Variants in ITIH3 observed in about 807,000 individuals in gnomAD.
The protein encoded by ITIH3 is inter-alpha-trypsin inhibitor heavy chain 3.
In ITIH3, 81 loss-of-function variants were observed where a neutral mutation model predicts 96.5. The ratio of observed to expected loss-of-function variants is 0.84; its 90% CI spans 0.70 to 1.01. The LOEUF is 1.01. Ranked by LOEUF, ITIH3 falls within the 50% of genes least tolerant of loss-of-function variation. The pLI is 0.00. For missense variants in ITIH3, 1,057 were observed against 1,139.3 expected, an observed-to-expected ratio of 0.93 and a Z score of 1.04; for synonymous variants, 422 against 445.2, an observed-to-expected ratio of 0.95 and a Z score of 0.66.
intron 7 of ITIH3, 130 bp downstream of exon 7, chr3:52,799,221 G>C (rs1699713476): frequency 7.8e-7 from 1 of 1,283,114 alleles, no homozygotes; most frequent in Admixed American, 2.0e-5. Context: ...TGGGACAGCT[G>C]ATGGCCTAGA....
rs1254973870 is a variant in ITIH3 at position 52,800,976 on chromosome 3, C to G, written c.1213C>G (p.Pro405Ala). The change falls in exon 11 of 22, where the codon CCC becomes GCC. Residue 405 changes from proline to alanine, a missense_variant. By Grantham distance (27) the Pro-to-Ala change is conservative. Transcript: ENST00000449956. ...DGDANVGESR[P>A]EKIQENVRNA... ...CCCTTCTCCAACAGGTGAGAGCAGA[C>G]CCGAAAAAATCCAAGAGAATGTGCG... 1 of 1,613,928 alleles carries G rather than the reference C, an allele frequency of 6.2e-7. No individual in the cohort carries two copies. Among genetic ancestry groups the G allele is most frequent in the African/African-American group, 1.3e-5 (1 of 74,938 alleles).
rs2240918 is a variant in ITIH3, at chr3:52,802,462, C to T, written c.1512C>T (p.Ala504=). ...ACGATGGCTCTGAGATCGTGGTGGC[C>T]GGGCGCCTGGTGGACGAGGACATGA... ...HFYDGSEIVV[A]GRLVDEDMNS... The change falls in exon 12 of 22, where the codon GCC becomes GCT. Residue 504 remains alanine (A), a synonymous_variant. Coordinates refer to ENST00000449956, the MANE Select transcript of ITIH3 (RefSeq NM_002217.4). The T allele has an allele frequency of 2.2e-4, 348 of 1,613,916 alleles. 2 individuals carry two copies. The East Asian group carries it at 6.2e-3, about 29-fold the overall frequency.
At position 52,798,036 on chromosome 3, in the gene ITIH3, TG is replaced by T; in HGVS notation, c.663+110del. The T allele has an allele frequency of 4.3e-6, 3 of 692,616 alleles. No homozygotes were observed. The East Asian group carries it at 8.3e-5, about 19-fold the overall frequency. 42.9% of individuals were successfully genotyped at this position (692,616 alleles called of 1,614,324 possible). A position where few individuals can be genotyped will look rare whatever the true frequency, so the allele number is the denominator to read the frequency against. On this transcript the variant is annotated intron_variant, in intron 6 of 21. Coordinates refer to ENST00000449956, the MANE Select transcript of ITIH3 (RefSeq NM_002217.4). ...TTAGCTGCTGCAAGCATGCATGTGT[TG>T]GGGTGGGGCTGGGGATCAATCTGCA...
In ITIH3 at chr3:52,800,956, C is replaced by T. The variant is rs1196226938; in HGVS notation, c.1202-9C>T. On this transcript the variant is annotated splice_polypyrimidine_tract_variant and intron_variant, in intron 10 of 21. Coordinates refer to ENST00000449956, the MANE Select transcript of ITIH3 (RefSeq NM_002217.4). ...GGGGCTGGACTGTGAACACCCCCTT[C>T]TCCAACAGGTGAGAGCAGACCCGAA... The T allele has an allele frequency of 6.2e-7, 1 of 1,613,916 alleles. No individual in the cohort carries two copies. The highest frequency in any genetic ancestry group is 1.3e-5 in the African/African-American group (1 of 74,948).
Position 52,801,116 on chromosome 3 carries a change from T to C in ITIH3, c.1353T>C (p.Tyr451=), listed in dbSNP as rs753620411. The C allele has an allele frequency of 6.3e-7, 1 of 1,592,252 alleles. No homozygotes were observed. The highest frequency in any genetic ancestry group is 8.6e-7 in the Non-Finnish European group (1 of 1,169,460). The change falls in exon 11 of 22, where the codon TAT becomes TAC. Residue 451 remains tyrosine, a synonymous_variant. Coordinates refer to ENST00000449956, the MANE Select transcript of ITIH3 (RefSeq NM_002217.4). ...LENHGFARRI[Y]EDSDADLQLQ... is the part of the protein sequence containing the mutation. ...ACCATGGGTTTGCCCGGCGCATTTA[T>C]GAGGACTCTGATGCCGATTTGCAGT...
intron 1 of ITIH3, 115 bp from the exon 2 acceptor site, chr3:52,795,488 T>G (rs1559469442): frequency 5.4e-6 from 6 of 1,107,672 alleles, no homozygotes; most frequent in Non-Finnish European, 7.9e-6. Flanking sequence ...CTCAGGTGTG[T>G]GGGGGGCAGG....
chr3:52,795,389 T>C (rs778072068), intron 1 of ITIH3, among the ~76,000 whole-genome samples: 3 of 152,192 alleles, frequency 2.0e-5, no homozygotes, highest in Non-Finnish European at 2.9e-5. Context: ...CCTGGATACC[T>C]GCCCCTCTCT....
chr3:52,803,306 ATTTTATTTTATTATTATTATTT>A (rs371832593), intron 13 of ITIH3, among the ~76,000 whole-genome samples: 4,273 of 129,402 alleles, frequency 0.033, 243 homozygotes, highest in African/African-American at 0.12. Flanking sequence ...TTATTTATTT[ATTTTATTTTATTATTATTATTT>A]TTTTTTTTGA....
intron 12 of ITIH3, 70 bp downstream of exon 12, chr3:52,802,589 G>A (rs1268961632): frequency 2.5e-6 from 4 of 1,610,486 alleles, no homozygotes; most frequent in Non-Finnish European, 1.7e-6. Flanking sequence ...CTGGCCTCAT[G>A]AGGGTCCAGG....
At chr3:52,795,494 G>T (rs1699545159) in intron 1 of ITIH3, 109 bp from the exon 2 acceptor site, 1 of 1,173,570 alleles carries the variant, frequency 8.5e-7, no homozygotes, top group African/African-American at 1.5e-5. Context: ...TGTGTGGGGG[G>T]CAGGGCACCA....
At position 52,800,534 on chromosome 3, in the gene ITIH3, C is replaced by G. The variant is rs1477624700; in HGVS notation, c.1076-4C>G. The stretch of plus-strand genomic sequence containing the variant: ...TCCCACGGTGCTGTCTGTCTGTGTC[C>G]CAGTGACCAACATCAATGACGGGCT... On this transcript the variant is annotated splice_polypyrimidine_tract_variant and splice_region_variant and intron_variant, in intron 9 of 21. Coordinates refer to ENST00000449956, the MANE Select transcript of ITIH3 (RefSeq NM_002217.4). The G allele has an allele frequency of 1.3e-6, 2 of 1,553,748 alleles. No homozygotes were observed. Among genetic ancestry groups the G allele is most frequent in the Non-Finnish European group, 1.7e-6 (2 of 1,148,140 alleles).
Position 52,799,847 on chromosome 3 carries a change from A to G in ITIH3, c.1001A>G (p.Glu334Gly). Residue 334 changes from glutamate (E) to glycine (G), a missense_variant, in exon 9 of 22, where the codon GAG becomes GGG. Transcript: ENST00000449956. ...LFSGDVSTWK[E>G]HLVQATPENL... ...AGTGGAGATGTGTCCACATGGAAAG[A>G]GCACTTAGTCCAGGCCACGCCCGAG... is the stretch of plus-strand genomic sequence containing the variant. 1 of 1,613,888 alleles carries G rather than the reference A, an allele frequency of 6.2e-7. No homozygotes were observed. Among genetic ancestry groups the G allele is most frequent in the Non-Finnish European group, 8.5e-7 (1 of 1,179,790 alleles).
rs1212433379 is a variant in ITIH3, at chr3:52,803,309, TTATTTTATTATTATTA to T, written c.1709+505_1709+520del. Among the ~76,000 whole-genome samples, 173 of 120,180 alleles carry T rather than the reference TTATTTTATTATTATTA, an allele frequency of 1.4e-3. 1 individual carries two copies. The highest frequency in any genetic ancestry group is 0.01 in the African/African-American group (164 of 16,152). 78.8% of individuals were successfully genotyped at this position (120,180 alleles called of 152,430 possible). Reference sequence around the variant, plus strand: ...TTATTTATTTATTTATTTATTTATTTTATTTTATTATTATTATTTTTTTTTTTGAGACGGAGTCTCG... The same window carrying T: ...TTATTTATTTATTTATTTATTTATTTTTTTTTTTTTTGAGACGGAGTCTCG... On this transcript the variant is annotated intron_variant, in intron 13 of 21. Transcript: ENST00000449956.
chr3:52,803,304 T>C (rs1699908285), intron 13 of ITIH3, among the ~76,000 whole-genome samples: 1 of 135,300 alleles, frequency 7.4e-6, no homozygotes, highest in South Asian at 2.6e-4. Flanking sequence ...ATTTATTTAT[T>C]TATTTTATTT....
Position 52,806,080 on chromosome 3 carries a change from C to T in ITIH3, c.1907-23C>T, listed in dbSNP as rs1305179362. ...CCCAGGGCCACTTGCTTAGCTCAGC[C>T]CTCTCTCCCTTTGTATCTGCAGCCA... On this transcript the variant is annotated intron_variant, in intron 16 of 21. Transcript: ENST00000449956. 18 of 1,593,096 alleles carry T rather than the reference C, an allele frequency of 1.1e-5. No individual in the cohort carries two copies. The South Asian group carries it at 1.7e-4, about 15-fold the overall frequency.
Position 52,808,235 on chromosome 3 carries a change from TC to T in ITIH3, c.2543+17del. On this transcript the variant is annotated intron_variant, in intron 21 of 21. Transcript: ENST00000449956. ...GATTGTCACCAGGTGAGGAGACTTC[TC>T]CCACACCCTCACCTGCTCAGCAACG... The T allele has an allele frequency of 6.3e-7, 1 of 1,587,688 alleles. No individual in the cohort carries two copies. Among genetic ancestry groups the T allele is most frequent in the Non-Finnish European group, 8.6e-7 (1 of 1,156,194 alleles).
rs773430414 is a variant in ITIH3 at position 52,802,764 on chromosome 3, G to A, written c.1667G>A (p.Arg556Gln). The A allele has an allele frequency of 3.5e-5, 56 of 1,613,880 alleles. No homozygotes were observed. Among genetic ancestry groups the A allele is most frequent in the African/African-American group, 2.9e-4 (22 of 74,930 alleles). ...RDYIFGNYIE[R>Q]LWAYLTIEQL... The stretch of plus-strand genomic sequence containing the variant: ...TACATCTTCGGGAATTACATTGAGC[G>A]GCTCTGGGCCTACCTCACCATTGAG... Residue 556 changes from arginine (R) to glutamine (Q), a missense_variant, in exon 13 of 22, where the codon CGG becomes CAG. Physicochemically the swap from Arg to Gln is conservative, Grantham distance 43. Transcript: ENST00000449956.
rs1419137269 is a variant in ITIH3 at position 52,799,012 on chromosome 3, C to T, written c.710C>T (p.Pro237Leu). The T allele has an allele frequency of 6.8e-6, 11 of 1,613,492 alleles. No homozygotes were observed. Among genetic ancestry groups the T allele is most frequent in the Non-Finnish European group, 9.3e-6 (11 of 1,179,718 alleles). ...AGCTTAGACCAACAGCGTTCATGCCCAACCTGTACAGACTCCCTCCTCAAT... is the reference window on the plus strand; with the variant it reads ...AGCTTAGACCAACAGCGTTCATGCCTAACCTGTACAGACTCCCTCCTCAAT... The part of the protein sequence containing the change: ...KPSLDQQRSC[P>L]TCTDSLLNGD... The change falls in exon 7 of 22, where the codon CCA (proline) becomes CTA (leucine). Residue 237 changes from proline (P) to leucine (L), a missense_variant. Coordinates refer to ENST00000449956, the MANE Select transcript of ITIH3 (RefSeq NM_002217.4).
chr3:52,807,868 T>C lies in ITIH3; in HGVS notation c.2383T>C (p.Tyr795His), dbSNP rs1223802812. ...TGTCCACCGTGACTTTCTAGGCTTC[T>C]ACGTGGTGGACAGTCACCGGATGTC... ...HPVHRDFLGFYVVDSHRMSAQ... is the reference protein window; with the variant it reads ...HPVHRDFLGFHVVDSHRMSAQ... The change falls in exon 20 of 22, where the codon TAC becomes CAC. Residue 795 changes from tyrosine (Y) to histidine (H), a missense_variant. Physicochemically the swap from Tyr to His is moderately conservative, Grantham distance 83. Coordinates refer to ENST00000449956, the MANE Select transcript of ITIH3 (RefSeq NM_002217.4). 6.2e-7 allele frequency: 1 copy of C among 1,612,502 alleles called. No homozygotes were observed.
Sources: allele counts gnomAD v4.1 joint callset (sites outside exome capture counted in the v4.1 genomes callset), GRCh38; gene constraint gnomAD v4.1.1; transcripts MANE v1.5; gene names NCBI Gene and HGNC (gene_info 2026-07-23, HGNC 2026-07-21).